FAR2: variants seen among roughly 807,000 people sequenced by gnomAD.
FAR2 encodes the protein fatty acyl-CoA reductase 2, also known as epididymis secretory protein Li 81.
In FAR2, 19 loss-of-function variants were observed where a neutral mutation model predicts 56.0. The ratio of observed to expected loss-of-function variants is 0.34; its 90% CI spans 0.24 to 0.50. The LOEUF is 0.50. FAR2 is among the 20% of genes least tolerant of loss of function. FAR2 has a pLI of 0.98. For missense variants in FAR2, 508 were observed against 642.2 expected (o/e 0.79, Z 2.26); for synonymous variants, 219 against 218.8 (o/e 1.00, Z -0.01).
At chr12:29,180,529 C>A (rs774490274) in intron 1 of FAR2, among the ~76,000 whole-genome samples, 2 of 152,130 alleles carry the variant, frequency 1.3e-5, no homozygotes, top group Admixed American at 6.6e-5. Context: ...ACTAAACCAA[C>A]CTCTTAAACT....
intron 2 of FAR2, chr12:29,277,926 TTC>T (rs1690123294): frequency 8.6e-6 from 1 of 116,654 alleles, no homozygotes; most frequent in South Asian, 3.0e-4. Flanking sequence ...TGTACATATT[TTC>T]TTTCTTTTTT....
At chr12:29,282,267 C>T (rs1948798573) in intron 2 of FAR2, 1 of 152,142 alleles carries the variant, frequency 6.6e-6, no homozygotes, top group South Asian at 2.1e-4. Context: ...TCATGTCACT[C>T]GAGACTTTAA....
intron 1 of FAR2, among the ~76,000 whole-genome samples, chr12:29,255,961 C>T (rs7961336): frequency 0.14 from 20,722 of 152,088 alleles, 1,545 homozygotes; most frequent in Middle Eastern, 0.28. Context: ...CCTCTGACTC[C>T]TGGGTTCAAG....
At chr12:29,184,490 A>G (rs1950020812) in intron 1 of FAR2, among the ~76,000 whole-genome samples, 1 of 121,604 alleles carries the variant, frequency 8.2e-6, no homozygotes, top group Non-Finnish European at 1.6e-5. Flanking sequence ...GCTGGAGTGC[A>G]GTGGCGCGAT....
intron 1 of FAR2, among the ~76,000 whole-genome samples, chr12:29,242,247 AG>A (rs1305339863): frequency 1.3e-5 from 2 of 152,278 alleles, no homozygotes; most frequent in South Asian, 2.1e-4. Context: ...GAAGACAAAA[AG>A]CTTCTTTAAA....
intron 1 of FAR2, among the ~76,000 whole-genome samples, chr12:29,164,335 T>A (rs1405645785): frequency 2.0e-5 from 3 of 152,218 alleles, no homozygotes; most frequent in Non-Finnish European, 4.4e-5. Context: ...GCTGCCATTT[T>A]GCTTGTTTCT....
At chr12:29,266,401 C>G (rs957411657) in intron 1 of FAR2, among the ~76,000 whole-genome samples, 3 of 152,046 alleles carry the variant, frequency 2.0e-5, no homozygotes, top group African/African-American at 4.8e-5. Context: ...AAACCAGGTA[C>G]AGAAAGACAA....
At chr12:29,288,562 T>G (rs1261467563) in intron 2 of FAR2, among the ~76,000 whole-genome samples, 2 of 152,156 alleles carry the variant, frequency 1.3e-5, no homozygotes, top group African/African-American at 4.8e-5. Flanking sequence ...GAGCTGGTGC[T>G]TATCCAGGTT....
intron 1 of FAR2, among the ~76,000 whole-genome samples, chr12:29,150,223 C>A (rs561196681): frequency 6.6e-6 from 1 of 152,312 alleles, no homozygotes; most frequent in East Asian, 1.9e-4. Flanking sequence ...AATTCATGCC[C>A]AATCGTATCC....
At chr12:29,256,820 G>A (rs1565491160) in intron 1 of FAR2, among the ~76,000 whole-genome samples, 3 of 152,238 alleles carry the variant, frequency 2.0e-5, no homozygotes, top group Admixed American at 6.5e-5. Flanking sequence ...GGGTCCCCCA[G>A]CAGTGCCAGC....
chr12:29,270,776 C>A, intron 2 of FAR2, 138 bp downstream of exon 2: 1 of 643,860 alleles, frequency 1.6e-6, no homozygotes, highest in Non-Finnish European at 2.4e-6. Context: ...CAAAACAAGA[C>A]AGCAACAAGC....
intron 1 of FAR2, among the ~76,000 whole-genome samples, chr12:29,211,765 T>C (rs1947552687): frequency 6.6e-6 from 1 of 151,798 alleles, no homozygotes; most frequent in Non-Finnish European, 1.5e-5. Flanking sequence ...TATGGTGAAG[T>C]CTTAATCCCA....
At chr12:29,187,030 C>T (rs188945630) in intron 1 of FAR2, among the ~76,000 whole-genome samples, 3,661 of 152,150 alleles carry the variant, frequency 0.024, 134 homozygotes, top group African/African-American at 0.081. Flanking sequence ...CCTCGTGATC[C>T]GCCCACCTCG....
intron 1 of FAR2, among the ~76,000 whole-genome samples, chr12:29,225,367 G>A (rs1947750100): frequency 6.6e-6 from 1 of 152,120 alleles, no homozygotes; most frequent in Non-Finnish European, 1.5e-5. Flanking sequence ...TAAGATTATT[G>A]TAAAGGTTAA....
chr12:29,262,597 A>G (rs553417020), intron 1 of FAR2, among the ~76,000 whole-genome samples: 2 of 152,248 alleles, frequency 1.3e-5, no homozygotes, highest in African/African-American at 4.8e-5. Flanking sequence ...GCCACTGCAC[A>G]CCAGCCTGGG....
intron 1 of FAR2, among the ~76,000 whole-genome samples, chr12:29,187,438 G>C (rs1304840779): frequency 1.3e-5 from 2 of 151,814 alleles, no homozygotes; most frequent in African/African-American, 4.8e-5. Context: ...TTTTTATTTG[G>C]ATTTCAGATA....
At chr12:29,284,618 A>G (rs1000122874) in intron 2 of FAR2, among the ~76,000 whole-genome samples, 9 of 152,366 alleles carry the variant, frequency 5.9e-5, no homozygotes, top group East Asian at 3.9e-4. Flanking sequence ...ATTTAAGACA[A>G]TAGAAGACAG....
At chr12:29,226,757 C>T (rs1209541167) in intron 1 of FAR2, among the ~76,000 whole-genome samples, 5 of 152,092 alleles carry the variant, frequency 3.3e-5, no homozygotes, top group Admixed American at 6.6e-5. Flanking sequence ...CTCTAAATTC[C>T]TCTAACCATG....
intron 1 of FAR2, among the ~76,000 whole-genome samples, chr12:29,161,984 T>C (rs1005157393): frequency 6.6e-6 from 1 of 152,230 alleles, no homozygotes; most frequent in African/African-American, 2.4e-5. Context: ...ATCTTTTTCA[T>C]AGTTATTTGT....
Sources: allele counts gnomAD v4.1 joint callset (sites outside exome capture counted in the v4.1 genomes callset), GRCh38; gene constraint gnomAD v4.1.1; transcripts MANE v1.5; gene names NCBI Gene and HGNC (gene_info 2026-07-23, HGNC 2026-07-21).